Variants in AGT observed in about 807,000 individuals in gnomAD.
AGT encodes alpha-1 antiproteinase, antitrypsin.
Under a neutral mutation model 28.1 loss-of-function variants are expected in AGT, and 26 were observed. That is an observed-to-expected ratio of 0.92 (90% CI 0.68 to 1.28). The LOEUF (loss-of-function observed/expected upper bound fraction) is 1.28, where lower values mean the gene tolerates loss of function less well. Among genes scored for constraint, AGT ranks in the 50% most tolerant of loss-of-function variants. AGT has a pLI of 0.00. For missense variants in AGT, 596 were observed against 592.3 expected (o/e 1.01, Z -0.06); for synonymous variants, 259 against 259.6 (o/e 1.00, Z 0.02).
chr1:230,735,345 CGTTA>C (rs1664138690), intron 1 of AGT, among the ~76,000 whole-genome samples: 1 of 152,168 alleles, frequency 6.6e-6, no homozygotes, highest in Admixed American at 6.5e-5. Flanking sequence ...TCCAAAGTGT[CGTTA>C]GTTACCTCAA....
chr1:230,738,807 A>G (rs544689739), intron 1 of AGT, among the ~76,000 whole-genome samples: 50 of 152,356 alleles, frequency 3.3e-4, no homozygotes, highest in African/African-American at 1.0e-3. Context: ...TCCCATAACT[A>G]AATACACAAC....
upstream of AGT, among the ~76,000 whole-genome samples, chr1:230,718,414 C>T (rs1261370471): frequency 2.0e-5 from 3 of 152,080 alleles, no homozygotes; most frequent in Non-Finnish European, 4.4e-5. Context: ...ACTCTTTTAG[C>T]AAAAATCCCA....
chr1:230,708,221 C>G (rs1663451613), intron 2 of AGT, among the ~76,000 whole-genome samples: 1 of 152,154 alleles, frequency 6.6e-6, no homozygotes, highest in Non-Finnish European at 1.5e-5. Flanking sequence ...ATGTGGTTGG[C>G]TTTTTTATTC....
At position 230,721,998 on chromosome 1, in the gene AGT, G is replaced by C. The variant is rs533232652; in HGVS notation, c.-30-11145C>G. ...GAAAATGGCTCCAGGGCATGTCAGA[G>C]ACCTTCACCACAGTCCCTCCCATCA... On this transcript the variant is annotated intron_variant, in intron 1 of 4. Transcript: ENST00000681269. Among the ~76,000 whole-genome samples, 38 of 152,018 alleles carry C rather than the reference G, an allele frequency of 2.5e-4. No homozygotes were observed. In the South Asian group the frequency reaches 4.2e-3, roughly 17 times the overall value.
intron 1 of AGT, among the ~76,000 whole-genome samples, chr1:230,728,172 C>T (rs752232155): frequency 2.1e-4 from 32 of 152,040 alleles, no homozygotes; most frequent in Admixed American, 7.9e-4. Context: ...TTCAGAAATA[C>T]AAAAGTCTGA....
upstream of AGT, among the ~76,000 whole-genome samples, chr1:230,718,461 T>C (rs1342634049): frequency 6.6e-6 from 1 of 152,144 alleles, no homozygotes; most frequent in Non-Finnish European, 1.5e-5. Flanking sequence ...GTCCTCATGT[T>C]GTACGCTGGA....
intron 1 of AGT, among the ~76,000 whole-genome samples, chr1:230,721,675 G>T (rs1282357583): frequency 6.6e-6 from 1 of 152,196 alleles, no homozygotes; most frequent in Non-Finnish European, 1.5e-5. Context: ...AGTGGTCTCA[G>T]ATGGAAATAA....
intron 1 of AGT, among the ~76,000 whole-genome samples, chr1:230,733,905 T>C (rs1664109578): frequency 6.6e-6 from 1 of 152,070 alleles, no homozygotes; most frequent in African/African-American, 2.4e-5. Flanking sequence ...TGCCAGTCAT[T>C]CAGGGACCAC....
chr1:230,718,722 C>CTTTTTTTTT (rs1228887131), upstream of AGT, among the ~76,000 whole-genome samples: 28 of 118,452 alleles, frequency 2.4e-4, 3 homozygotes, highest in African/African-American at 5.2e-4. Flanking sequence ...TTCCACACCG[C>CTTTTTTTTT]TTTTTTTTTT....
At chr1:230,739,689 G>A (rs1049266605) in intron 1 of AGT, among the ~76,000 whole-genome samples, 1 of 152,212 alleles carries the variant, frequency 6.6e-6, no homozygotes, top group African/African-American at 2.4e-5. Context: ...AAGGAAAGAA[G>A]CTGGTTCCCA....
chr1:230,744,383 G>T (rs922581511), intron 1 of AGT, among the ~76,000 whole-genome samples: 24 of 152,330 alleles, frequency 1.6e-4, no homozygotes, highest in African/African-American at 5.3e-4. Context: ...AGGATTAGAC[G>T]CTAAGACAAA....
chr1:230,715,842 T>A (rs1333612139), upstream of AGT, among the ~76,000 whole-genome samples: 1 of 152,216 alleles, frequency 6.6e-6, no homozygotes, highest in Non-Finnish European at 1.5e-5. Flanking sequence ...AAGATCCTGG[T>A]CTTTGGGAGA....
At chr1:230,704,759 C>T (rs764842335) in intron 3 of AGT, among the ~76,000 whole-genome samples, 2 of 152,212 alleles carry the variant, frequency 1.3e-5, no homozygotes, top group African/African-American at 4.8e-5. Flanking sequence ...GTGTCAACCT[C>T]GTGCTGGACA....
At chr1:230,722,323 G>T (rs1489283755) in intron 1 of AGT, among the ~76,000 whole-genome samples, 2 of 152,246 alleles carry the variant, frequency 1.3e-5, no homozygotes, top group Admixed American at 6.5e-5. Flanking sequence ...TACTGCAGGG[G>T]TGGAGATCCC....
chr1:230,704,140 A>C (rs1663312097), intron 4 of AGT, 53 bp downstream of exon 4: 2 of 1,613,496 alleles, frequency 1.2e-6, no homozygotes, highest in Non-Finnish European at 1.7e-6. Context: ...CATGCCTCCC[A>C]CCCTGTGCAC....
rs74144817 is a variant in AGT, at chr1:230,731,122, C to T, written c.-31+14393G>A. On this transcript the variant is annotated intron_variant, in intron 1 of 4. Transcript: ENST00000681269. ...CCTCCCTTTTTGTTCCTTTAAAAACCTTGTGACGAAAGCCAAATGGAGTTC... is the reference window on the plus strand; with the variant it reads ...CCTCCCTTTTTGTTCCTTTAAAAACTTTGTGACGAAAGCCAAATGGAGTTC... 6.9e-3 allele frequency among the ~76,000 whole-genome samples: 1,058 copies of T among 152,294 alleles called. 16 individuals are homozygous for T. The highest frequency in any genetic ancestry group is 0.024 in the African/African-American group (1,002 of 41,558).
chr1:230,745,412 A>G (rs1357855541), intron 1 of AGT, among the ~76,000 whole-genome samples: 1 of 152,218 alleles, frequency 6.6e-6, no homozygotes, highest in Non-Finnish European at 1.5e-5. Context: ...CTCGCCCAAG[A>G]TCACCCCAGG....
intron 1 of AGT, among the ~76,000 whole-genome samples, chr1:230,744,247 AG>A (rs1271087785): frequency 6.6e-6 from 1 of 152,224 alleles, no homozygotes; most frequent in Non-Finnish European, 1.5e-5. Context: ...CATCCTGAGA[AG>A]TGAAGGTTTG....
chr1:230,729,191 T>C (rs1037075683), intron 1 of AGT, among the ~76,000 whole-genome samples: 8 of 152,182 alleles, frequency 5.3e-5, no homozygotes, highest in African/African-American at 1.9e-4. Context: ...GACCCCCACC[T>C]TCCACTCTCT....
Sources: allele counts gnomAD v4.1 joint callset (sites outside exome capture counted in the v4.1 genomes callset), GRCh38; gene constraint gnomAD v4.1.1; transcripts MANE v1.5; gene names NCBI Gene and HGNC (gene_info 2026-07-23, HGNC 2026-07-21).